The following EGFR variants were observed in gnomAD, a reference collection of about 807,000 sequenced individuals.
EGFR encodes the protein epidermal growth factor receptor, also known as avian erythroblastic leukemia viral (v-erb-b) oncogene homolog.
In EGFR, 58 loss-of-function variants were observed where a neutral mutation model predicts 143.0. The ratio of observed to expected loss-of-function variants is 0.41; its 90% CI spans 0.33 to 0.50. EGFR has a LOEUF of 0.50. Ranked by LOEUF, EGFR falls within the 20% of genes least tolerant of loss-of-function variation. EGFR has a pLI of 0.39. For missense variants in EGFR, 1,307 were observed against 1,579.0 expected (o/e 0.83, Z 2.92); for synonymous variants, 613 against 594.4 (o/e 1.03, Z -0.45).
chr7:55,184,091 G>C (rs1259664712), intron 20 of EGFR, among the ~76,000 whole-genome samples: 2 of 152,264 alleles, frequency 1.3e-5, no homozygotes, highest in African/African-American at 2.4e-5. Flanking sequence ...CGTGTGAACG[G>C]GGGCACGTTG....
At chr7:55,024,824 G>C (rs764768748) in intron 1 of EGFR, among the ~76,000 whole-genome samples, 33 of 152,186 alleles carry the variant, frequency 2.2e-4, no homozygotes, top group Non-Finnish European at 4.1e-4. Flanking sequence ...GAGATAATAA[G>C]TGTGAAACAA....
At chr7:55,105,371 T>G (rs1230795554) in intron 1 of EGFR, among the ~76,000 whole-genome samples, 4 of 152,258 alleles carry the variant, frequency 2.6e-5, no homozygotes, top group African/African-American at 4.8e-5. Flanking sequence ...TTGCTGTTGC[T>G]TTTTATTCTC....
intron 22 of EGFR, 87 bp downstream of exon 22, chr7:55,192,928 T>C (rs1787465343): frequency 1.7e-6 from 2 of 1,152,384 alleles, no homozygotes; most frequent in Admixed American, 1.7e-5. Flanking sequence ...TCCTCTGACA[T>C]GCAAGTATTT....
intron 1 of EGFR, among the ~76,000 whole-genome samples, chr7:55,034,316 CT>C (rs1310743368): frequency 4.6e-5 from 7 of 152,230 alleles, no homozygotes; most frequent in Non-Finnish European, 5.9e-5. Flanking sequence ...TCACTGCAAC[CT>C]CCACCTTCCG....
chr7:55,162,895 A>T (rs1335419793), intron 13 of EGFR, among the ~76,000 whole-genome samples: 1 of 152,152 alleles, frequency 6.6e-6, no homozygotes, highest in African/African-American at 2.4e-5. Flanking sequence ...AGTTCAGGTG[A>T]TTCTCCTGCC....
intron 7 of EGFR, 52 bp from the exon 8 acceptor site, chr7:55,155,778 C>T: frequency 6.7e-7 from 1 of 1,502,960 alleles, no homozygotes; most frequent in Non-Finnish European, 9.3e-7. Context: ...TGTGTGAGGC[C>T]CGAGCACCTG....
intron 1 of EGFR, among the ~76,000 whole-genome samples, chr7:55,021,909 C>T (rs1210732203): frequency 6.6e-6 from 1 of 152,196 alleles, no homozygotes; most frequent in Non-Finnish European, 1.5e-5. Flanking sequence ...ACACCAGGGG[C>T]TTCCAACTCC....
chr7:55,155,995 G>A (rs1785399838), intron 8 of EGFR, 49 bp downstream of exon 8: 3 of 1,403,626 alleles, frequency 2.1e-6, no homozygotes, highest in Admixed American at 1.8e-5. Flanking sequence ...GGCTGCTGAG[G>A]CTGGGCTCTC....
At position 55,095,509 on chromosome 7, in the gene EGFR, A is replaced by G. The variant is rs531221661; in HGVS notation, c.89-46777A>G. 6.5e-4 allele frequency among the ~76,000 whole-genome samples: 99 copies of G among 152,370 alleles called. 1 individual carries two copies. Among genetic ancestry groups the G allele is most frequent in the African/African-American group, 2.0e-3 (84 of 41,586 alleles). On this transcript the variant is annotated intron_variant, in intron 1 of 27. Transcript: ENST00000275493. The stretch of plus-strand genomic sequence containing the variant: ...TGGTTCAACACACAGCTCCCTGCCC[A>G]GGGCAGCTTGGGAGTGTGGGCCAGT...
At chr7:55,165,252 A>T (rs1286995644) in intron 14 of EGFR, 28 bp from the exon 15 acceptor site, 1 of 1,613,936 alleles carries the variant, frequency 6.2e-7, no homozygotes, top group South Asian at 1.1e-5. Context: ...AGAGACATGC[A>T]TGAACATTTT....
At chr7:55,176,706 C>T (rs1786603778) in intron 19 of EGFR, among the ~76,000 whole-genome samples, 1 of 150,966 alleles carries the variant, frequency 6.6e-6, no homozygotes, top group African/African-American at 2.4e-5. Flanking sequence ...AAGCAAGACC[C>T]TGCTCAAAAA....
chr7:55,033,559 GA>G (rs1787386850), intron 1 of EGFR, among the ~76,000 whole-genome samples: 1 of 152,220 alleles, frequency 6.6e-6, no homozygotes, highest in South Asian at 2.1e-4. Context: ...GGGTGGTGTA[GA>G]GGCTGGAGCG....
intron 1 of EGFR, among the ~76,000 whole-genome samples, chr7:55,089,966 A>G (rs1326778069): frequency 2.7e-5 from 4 of 150,838 alleles, no homozygotes; most frequent in African/African-American, 7.3e-5. Context: ...TTATTTATTT[A>G]TTTATTTATT....
At chr7:55,195,208 G>A (rs191787211) in intron 22 of EGFR, among the ~76,000 whole-genome samples, 1 of 152,298 alleles carries the variant, frequency 6.6e-6, no homozygotes, top group Admixed American at 6.5e-5. Context: ...CTATGAGTTG[G>A]GGGCAGGGGA....
At position 55,172,922 on chromosome 7, in the gene EGFR, T is replaced by C. The variant is rs770900042; in HGVS notation, c.1920-61T>C. 11 of 1,613,634 alleles carry C rather than the reference T, an allele frequency of 6.8e-6. No individual in the cohort carries two copies. In the South Asian group the frequency reaches 1.2e-4, roughly 18 times the overall value. On this transcript the variant is annotated intron_variant, in intron 16 of 27. Coordinates refer to ENST00000275493, the MANE Select transcript of EGFR (RefSeq NM_005228.5). ...CTGAAACATGCAGGGGCGTGTTGAG[T>C]GCCAAGGCCATGGAATCTGTCAGCA...
rs1171002088 is a variant in EGFR at position 55,154,166 on chromosome 7, T to C, written c.889+14T>C. 1 of 1,614,118 alleles carries C rather than the reference T, an allele frequency of 6.2e-7. No individual in the cohort carries two copies. The highest frequency in any genetic ancestry group is 1.3e-5 in the African/African-American group (1 of 74,948). ...AGAAGTGTCCCCGTGAGTCCTCCTCTGTGGGCCCTCTAACTGGTCAGGCAT... is the reference window on the plus strand; with the variant it reads ...AGAAGTGTCCCCGTGAGTCCTCCTCCGTGGGCCCTCTAACTGGTCAGGCAT... On this transcript the variant is annotated intron_variant, in intron 7 of 27. Transcript: ENST00000275493.
intron 1 of EGFR, among the ~76,000 whole-genome samples, chr7:55,113,067 G>C (rs537695640): frequency 8.5e-5 from 13 of 152,200 alleles, no homozygotes; most frequent in Non-Finnish European, 1.9e-4. Flanking sequence ...TGTACCAGAC[G>C]CTGGATGACA....
At chr7:55,186,817 A>G (rs1003739895) in intron 20 of EGFR, among the ~76,000 whole-genome samples, 3 of 152,238 alleles carry the variant, frequency 2.0e-5, no homozygotes, top group African/African-American at 7.2e-5. Context: ...GAAGCAGGTC[A>G]GAGCAGGAGG....
intron 19 of EGFR, 51 bp from the exon 20 acceptor site, chr7:55,181,242 C>A (rs1172938111): frequency 1.9e-6 from 3 of 1,606,142 alleles, no homozygotes; most frequent in Non-Finnish European, 2.6e-6. Flanking sequence ...ATGTGCCCCT[C>A]CTTCTGGCCA....
Sources: gnomAD v4.1 joint callset for allele counts (sites outside exome capture counted in the v4.1 genomes callset) on GRCh38, gnomAD v4.1.1 for gene constraint, MANE v1.5 for transcripts, NCBI Gene and HGNC (gene_info 2026-07-23, HGNC 2026-07-21) for gene names.